UBE2R2: variants seen among roughly 807,000 people sequenced by gnomAD.
The protein encoded by UBE2R2 is ubiquitin-conjugating enzyme E2 R2.
In UBE2R2, 1 loss-of-function variant was observed where a neutral mutation model predicts 27.8. The observed-to-expected ratio is 0.04, with a 90% confidence interval of 0.01 to 0.17. The LOEUF is 0.17. Among genes scored for constraint, UBE2R2 ranks in the 10% least tolerant of loss-of-function variants. The pLI is 1.00. For missense variants in UBE2R2, 100 were observed against 291.0 expected (o/e 0.34, Z 4.78); for synonymous variants, 106 against 113.3 (o/e 0.94, Z 0.41).
chr9:33,886,715 A>AGCACTGGGG (rs1821866523), intron 1 of UBE2R2, among the ~76,000 whole-genome samples, 166 bp from the exon 2 acceptor site: 1 of 151,980 alleles, frequency 6.6e-6, no homozygotes, highest in Non-Finnish European at 1.5e-5. Flanking sequence ...AGAACTTACT[A>AGCACTGGGG]ATGACCCTGG....
At chr9:33,854,122 A>G (rs1821040823) in intron 1 of UBE2R2, among the ~76,000 whole-genome samples, 1 of 152,132 alleles carries the variant, frequency 6.6e-6, no homozygotes, top group Admixed American at 6.5e-5. Flanking sequence ...TTTAGTTTCT[A>G]AATATATTGG....
intron 1 of UBE2R2, among the ~76,000 whole-genome samples, chr9:33,830,772 A>G (rs1040193891): frequency 1.7e-5 from 2 of 115,440 alleles, no homozygotes; most frequent in African/African-American, 2.7e-5. Flanking sequence ...CTCTCAAAGG[A>G]AAAAAAAAAA....
At chr9:33,908,258 G>T (rs1822406973) in intron 3 of UBE2R2, among the ~76,000 whole-genome samples, 3 of 152,164 alleles carry the variant, frequency 2.0e-5, no homozygotes, top group African/African-American at 7.2e-5. Flanking sequence ...ATTCTCACAG[G>T]TGTCCATCTA....
intron 2 of UBE2R2, among the ~76,000 whole-genome samples, chr9:33,889,740 T>A (rs1004540615): frequency 2.6e-5 from 4 of 152,134 alleles, no homozygotes; most frequent in African/African-American, 9.7e-5. Context: ...CAGGCTGGAG[T>A]GTGGTGGCAT....
intron 2 of UBE2R2, among the ~76,000 whole-genome samples, chr9:33,896,267 T>C (rs1822102459): frequency 6.6e-6 from 1 of 151,244 alleles, no homozygotes; most frequent in Non-Finnish European, 1.5e-5. Context: ...TTTTCTCCCC[T>C]TCAACTCAGT....
intron 1 of UBE2R2, among the ~76,000 whole-genome samples, chr9:33,862,932 G>T (rs558342919): frequency 2.8e-4 from 43 of 152,168 alleles, no homozygotes; most frequent in African/African-American, 9.9e-4. Flanking sequence ...CAGCATGGTG[G>T]CTCACATCTG....
chr9:33,847,336 TCTC>T (rs899582741), intron 1 of UBE2R2, among the ~76,000 whole-genome samples: 1 of 152,170 alleles, frequency 6.6e-6, no homozygotes, highest in Admixed American at 6.6e-5. Flanking sequence ...CCTCAAGTGA[TCTC>T]CTGCTTCAGC....
In UBE2R2 at chr9:33,871,605, C is replaced by T. The variant is rs555787550; in HGVS notation, c.178-15276C>T. 1.2e-4 allele frequency among the ~76,000 whole-genome samples: 19 copies of T among 152,140 alleles called. 1 individual carries two copies. The highest frequency in any genetic ancestry group is 4.1e-4 in the African/African-American group (17 of 41,500). On this transcript the variant is annotated intron_variant, in intron 1 of 4. Coordinates refer to ENST00000263228, the MANE Select transcript of UBE2R2 (RefSeq NM_017811.4). ...GGAAGTACTTGTTCTTATGAGTTTG[C>T]GTATTAGTCAAAAAAGATGTAAGGA...
chr9:33,834,940 G>GAA (rs1425351314), intron 1 of UBE2R2, among the ~76,000 whole-genome samples: 2 of 151,046 alleles, frequency 1.3e-5, no homozygotes, highest in Non-Finnish European at 2.9e-5. Context: ...GAAAAGAAAA[G>GAA]AAAAGAAAAT....
In UBE2R2 at chr9:33,917,090, C is replaced by T. The variant is rs141453734; in HGVS notation, c.570C>T (p.Tyr190=). The change falls in exon 5 of 5, where the codon TAC becomes TAT. Residue 190 remains tyrosine (Y), a synonymous_variant. Coordinates refer to ENST00000263228, the MANE Select transcript of UBE2R2 (RefSeq NM_017811.4). The part of the protein sequence containing the change: ...GVKVPTTLAE[Y]CIKTKVPSND... Reference sequence around the variant, plus strand: ...AGGTCCCCACAACCCTGGCGGAATACTGCATCAAAACTAAAGTGCCTTCCA... The same window carrying T: ...AGGTCCCCACAACCCTGGCGGAATATTGCATCAAAACTAAAGTGCCTTCCA... 1.8e-3 allele frequency: 2,883 copies of T among 1,614,244 alleles called. 2 individuals are homozygous for T. The highest frequency in any genetic ancestry group is 2.2e-3 in the Non-Finnish European group (2,563 of 1,180,038).
intron 1 of UBE2R2, among the ~76,000 whole-genome samples, chr9:33,839,954 C>T (rs1432463219): frequency 6.6e-6 from 1 of 151,884 alleles, no homozygotes; most frequent in African/African-American, 2.4e-5. Flanking sequence ...TATGATTGTG[C>T]CATTGTACTC....
In UBE2R2 at chr9:33,909,779, G is replaced by T. The variant is rs188890763; in HGVS notation, c.363-2185G>T. On this transcript the variant is annotated intron_variant, in intron 3 of 4. Transcript: ENST00000263228. ...TCCAGAAAGCTCTTGAGGGAGGAAG[G>T]CCAAGGAGTTATCCTTAACCTAATA... Among the ~76,000 whole-genome samples the T allele has an allele frequency of 2.6e-4, 39 of 152,304 alleles. No homozygotes were observed. The Middle Eastern group carries it at 0.014, about 53-fold the overall frequency.
chr9:33,830,014 C>T (rs1372045985), intron 1 of UBE2R2, among the ~76,000 whole-genome samples: 1 of 151,976 alleles, frequency 6.6e-6, no homozygotes, highest in Non-Finnish European at 1.5e-5. Flanking sequence ...TCAAGCTGGT[C>T]TCGAACTCCC....
chr9:33,876,940 C>T (rs1338562920), intron 1 of UBE2R2, among the ~76,000 whole-genome samples: 3 of 151,414 alleles, frequency 2.0e-5, no homozygotes, highest in Non-Finnish European at 4.4e-5. Context: ...AATAAGAGTT[C>T]GAGACCAGCC....
intron 2 of UBE2R2, among the ~76,000 whole-genome samples, chr9:33,896,027 C>T (rs756646766): frequency 9.2e-5 from 14 of 151,964 alleles, no homozygotes; most frequent in Non-Finnish European, 1.9e-4. Flanking sequence ...CCAGCCCCGG[C>T]CCCCCAAAGT....
chr9:33,900,677 C>T (rs529998686), intron 3 of UBE2R2, among the ~76,000 whole-genome samples: 2 of 152,048 alleles, frequency 1.3e-5, no homozygotes, highest in Admixed American at 6.6e-5. Flanking sequence ...CGTTGTTTTG[C>T]TCCAAAATAT....
At chr9:33,822,343 C>T (rs1278522359) in intron 1 of UBE2R2, among the ~76,000 whole-genome samples, 1 of 151,970 alleles carries the variant, frequency 6.6e-6, no homozygotes, top group African/African-American at 2.4e-5. Context: ...CCGCTCACCT[C>T]AGCCTCCCAA....
At chr9:33,881,753 G>A (rs946384911) in intron 1 of UBE2R2, among the ~76,000 whole-genome samples, 9 of 152,130 alleles carry the variant, frequency 5.9e-5, no homozygotes, top group Admixed American at 5.2e-4. Flanking sequence ...ATATCAGGGA[G>A]GTCATGATAC....
upstream of UBE2R2, among the ~76,000 whole-genome samples, chr9:33,816,806 G>A (rs1006464518): frequency 7.9e-5 from 12 of 152,240 alleles, no homozygotes; most frequent in Non-Finnish European, 1.5e-4. Context: ...GGCCCCGAGA[G>A]CCGGGAGACC....
Sources: allele counts gnomAD v4.1 joint callset (sites outside exome capture counted in the v4.1 genomes callset), GRCh38; gene constraint gnomAD v4.1.1; transcripts MANE v1.5; gene names NCBI Gene and HGNC (gene_info 2026-07-23, HGNC 2026-07-21).